Variants in PKHD1 observed in about 807,000 individuals in gnomAD.
PKHD1 encodes the protein fibrocystin.
Under a neutral mutation model 412.0 loss-of-function variants are expected in PKHD1, and 291 were observed. The ratio of observed to expected loss-of-function variants is 0.71; its 90% CI spans 0.64 to 0.78. The LOEUF (loss-of-function observed/expected upper bound fraction) is 0.78. Ranked by LOEUF, PKHD1 falls within the 30% of genes least tolerant of loss-of-function variation. The pLI is 0.00. For synonymous variants in PKHD1, 1,777 were observed against 1,821.5 expected (o/e 0.98, Z 0.62); for missense variants, 4,825 against 4,950.7 (o/e 0.97, Z 0.76).
At chr6:51,753,381 A>G (rs577747242) in intron 56 of PKHD1, 28 bp from the exon 57 acceptor site, 184 of 1,601,806 alleles carry the variant, frequency 1.1e-4, no homozygotes, top group Non-Finnish European at 1.4e-4. Context: ...GTGGGAAAAA[A>G]AAACTTTAAA....
At chr6:51,891,270 T>C (rs1445431576) in intron 43 of PKHD1, among the ~76,000 whole-genome samples, 1 of 152,112 alleles carries the variant, frequency 6.6e-6, no homozygotes, top group Non-Finnish European at 1.5e-5. Context: ...GTTTTGTTTT[T>C]TTGTTTGTTT....
intron 51 of PKHD1, among the ~76,000 whole-genome samples, chr6:51,835,055 T>C (rs1768951362): frequency 6.6e-6 from 1 of 152,216 alleles, no homozygotes; most frequent in Admixed American, 6.5e-5. Context: ...CCCACAACTC[T>C]ATGAAGTATG....
intron 28 of PKHD1, among the ~76,000 whole-genome samples, chr6:52,034,509 T>C (rs1270395754): frequency 6.6e-6 from 1 of 152,068 alleles, no homozygotes; most frequent in Non-Finnish European, 1.5e-5. Flanking sequence ...CAAATATATA[T>C]TAAAATAATA....
chr6:52,020,160 A>G (rs946884382), intron 33 of PKHD1, among the ~76,000 whole-genome samples: 5 of 152,370 alleles, frequency 3.3e-5, no homozygotes, highest in African/African-American at 9.6e-5. Flanking sequence ...AATAAACAAA[A>G]GAACAAATGA....
At chr6:51,966,868 G>A (rs1025159530) in intron 35 of PKHD1, among the ~76,000 whole-genome samples, 1 of 150,386 alleles carries the variant, frequency 6.6e-6, no homozygotes, top group Non-Finnish European at 1.5e-5. Context: ...TTGATATGGA[G>A]TGATCAGAGA....
intron 37 of PKHD1, among the ~76,000 whole-genome samples, chr6:51,930,589 A>G (rs1433612169): frequency 2.0e-5 from 3 of 152,230 alleles, no homozygotes; most frequent in Non-Finnish European, 4.4e-5. Flanking sequence ...AATGAGATGG[A>G]AGGAGAAGGT....
chr6:51,906,486 TC>T, intron 40 of PKHD1, 146 bp from the exon 41 acceptor site: 2 of 679,846 alleles, frequency 2.9e-6, no homozygotes, highest in Admixed American at 2.2e-5. Flanking sequence ...AGCAATCGAA[TC>T]AAGAGAATGA....
chr6:51,973,674 T>G (rs896484693), intron 35 of PKHD1, among the ~76,000 whole-genome samples: 1 of 152,192 alleles, frequency 6.6e-6, no homozygotes, highest in Admixed American at 6.5e-5. Flanking sequence ...ACAACACCTC[T>G]CAGAAACATG....
At chr6:51,664,889 C>G (rs1773470463) in intron 60 of PKHD1, among the ~76,000 whole-genome samples, 1 of 151,912 alleles carries the variant, frequency 6.6e-6, no homozygotes. Context: ...GGAGATTTAC[C>G]CCTATGACCT....
intron 14 of PKHD1, among the ~76,000 whole-genome samples, chr6:52,060,638 A>G (rs1808533884): frequency 1.3e-5 from 2 of 152,178 alleles, no homozygotes; most frequent in African/African-American, 4.8e-5. Context: ...GCAACCTAAT[A>G]TTATAGGCAG....
chr6:51,716,762 G>A (rs1470224874), intron 60 of PKHD1, among the ~76,000 whole-genome samples: 1 of 151,980 alleles, frequency 6.6e-6, no homozygotes, highest in Non-Finnish European at 1.5e-5. Flanking sequence ...GACATCAGGA[G>A]AAAAAAATTC....
At chr6:51,813,111 T>C (rs1479598463) in intron 52 of PKHD1, among the ~76,000 whole-genome samples, 1 of 152,150 alleles carries the variant, frequency 6.6e-6, no homozygotes, top group Non-Finnish European at 1.5e-5. Flanking sequence ...CCCAACCACC[T>C]TGAGCACAAG....
chr6:51,682,822 T>C lies in PKHD1; in HGVS notation c.10157-22853A>G, dbSNP rs111330029. 2.6e-3 allele frequency among the ~76,000 whole-genome samples: 389 copies of C among 152,180 alleles called. 2 individuals carry two copies. Among genetic ancestry groups the C allele is most frequent in the African/African-American group, 8.7e-3 (361 of 41,552 alleles). ...GAAGTGTCAATTTCAGTTGATTTTC[T>C]TCCTAATCCTGCTGACTTTGAAAAC... On this transcript the variant is annotated intron_variant, in intron 60 of 66. Coordinates refer to ENST00000371117, the MANE Select transcript of PKHD1 (RefSeq NM_138694.4).
rs888230183 is a variant in PKHD1 at position 51,618,244 on chromosome 6, T to G, written c.*837A>C. Reference sequence around the variant, plus strand: ...TCTTCTCCAAAAAGCAGCTTTTTGATAAAGGACTTGGCCACTTGGCTTTCT... The same window carrying G: ...TCTTCTCCAAAAAGCAGCTTTTTGAGAAAGGACTTGGCCACTTGGCTTTCT... On this transcript the variant is annotated 3_prime_UTR_variant, in exon 67 of 67. Transcript: ENST00000371117. 3 of 152,246 alleles carry G rather than the reference T, an allele frequency of 2.0e-5. No homozygotes were observed. The highest frequency in any genetic ancestry group is 7.2e-5 in the African/African-American group (3 of 41,432). 9.4% of individuals were successfully genotyped at this position (152,246 alleles called of 1,614,324 possible). A position where few individuals can be genotyped will look rare whatever the true frequency, so the allele number is the denominator to read the frequency against.
intron 64 of PKHD1, among the ~76,000 whole-genome samples, chr6:51,636,311 A>G (rs1348864341): frequency 1.3e-5 from 2 of 152,142 alleles, no homozygotes; most frequent in African/African-American, 4.8e-5. Context: ...TAATGCCTAT[A>G]ATGCCAGCAT....
intron 52 of PKHD1, among the ~76,000 whole-genome samples, chr6:51,820,516 C>G (rs183017114): frequency 6.6e-5 from 10 of 152,270 alleles, no homozygotes; most frequent in African/African-American, 2.4e-4. Flanking sequence ...AACAGAGGAG[C>G]ATATTATATC....
intron 58 of PKHD1, among the ~76,000 whole-genome samples, chr6:51,747,106 G>T (rs962514256): frequency 6.6e-6 from 1 of 152,098 alleles, no homozygotes; most frequent in East Asian, 1.9e-4. Context: ...ATTTCAATAC[G>T]TTAAACCTTT....
In PKHD1 at chr6:51,838,932, T is replaced by C. The variant is rs143940194; in HGVS notation, c.8108-2463A>G. ...CATGGAACATGCTTAGCACAGTGCCTGGCACATCATGAACAATAAATGTTA... is the reference window on the plus strand; with the variant it reads ...CATGGAACATGCTTAGCACAGTGCCCGGCACATCATGAACAATAAATGTTA... On this transcript the variant is annotated intron_variant, in intron 50 of 66. Coordinates refer to ENST00000371117, the MANE Select transcript of PKHD1 (RefSeq NM_138694.4). 3.4e-4 allele frequency among the ~76,000 whole-genome samples: 52 copies of C among 152,354 alleles called. No individual in the cohort carries two copies. In the East Asian group the frequency reaches 9.1e-3, roughly 27 times the overall value.
intron 27 of PKHD1, among the ~76,000 whole-genome samples, chr6:52,041,379 C>A (rs1039245009): frequency 6.6e-6 from 1 of 152,196 alleles, no homozygotes; most frequent in Non-Finnish European, 1.5e-5. Flanking sequence ...GCATCTCTAA[C>A]AAGCTCATGG....
Sources: gnomAD v4.1 joint callset for allele counts (sites outside exome capture counted in the v4.1 genomes callset) on GRCh38, gnomAD v4.1.1 for gene constraint, MANE v1.5 for transcripts, NCBI Gene and HGNC (gene_info 2026-07-23, HGNC 2026-07-21) for gene names.